RBM20: variants seen among roughly 807,000 people sequenced by gnomAD.
RBM20 encodes RNA binding motif protein 20.
RBM20 carries 51 observed loss-of-function variants against 110.1 expected under a neutral mutation model. The ratio of observed to expected loss-of-function variants is 0.46; its 90% confidence interval spans 0.37 to 0.59. The LOEUF is 0.59. RBM20 is among the 20% of genes least tolerant of loss of function. The pLI, the probability that RBM20 is intolerant of heterozygous loss-of-function variation, is 0.00. For synonymous variants in RBM20, 589 were observed against 618.2 expected (o/e 0.95, Z 0.70); for missense variants, 1,512 against 1,574.9 (o/e 0.96, Z 0.68).
intron 13 of RBM20, among the ~76,000 whole-genome samples, chr10:110,833,579 A>G (rs950862858): frequency 5.9e-5 from 9 of 152,124 alleles, no homozygotes; most frequent in Non-Finnish European, 1.2e-4. Context: ...AGGGGGCCAC[A>G]TAGTTCAAGG....
At chr10:110,813,464 AAGG>A (rs1844801471) in intron 9 of RBM20, among the ~76,000 whole-genome samples, 1 of 152,220 alleles carries the variant, frequency 6.6e-6, no homozygotes. Flanking sequence ...AGAAGTGGTG[AAGG>A]AGAAGCCGTC....
chr10:110,665,304 C>A (rs952319063), intron 1 of RBM20, among the ~76,000 whole-genome samples: 3 of 152,162 alleles, frequency 2.0e-5, no homozygotes, highest in Non-Finnish European at 4.4e-5. Flanking sequence ...TTAGGTGCAG[C>A]TGATGGCGTT....
chr10:110,736,645 T>C (rs1241377980), intron 1 of RBM20, among the ~76,000 whole-genome samples: 1 of 120,086 alleles, frequency 8.3e-6, no homozygotes, highest in Non-Finnish European at 1.7e-5. Context: ...CAGTGGAGGC[T>C]GTGCTCTGGC....
Position 110,728,614 on chromosome 10 carries a change from T to C in RBM20, c.192-52187T>C, listed in dbSNP as rs78079225. ...GGAGGGTGTCATTCATTGTGCCTAC[T>C]TGAAGTTATTATCAGGGTGTGTTTT... is the stretch of plus-strand genomic sequence containing the variant. On this transcript the variant is annotated intron_variant, in intron 1 of 13. Transcript: ENST00000369519. 2.6e-5 allele frequency among the ~76,000 whole-genome samples: 4 copies of C among 152,302 alleles called. No homozygotes were observed. In the East Asian group the frequency reaches 5.8e-4, roughly 22 times the overall value.
rs374786428 is a variant in RBM20 at position 110,801,946 on chromosome 10, C to T, written c.1800+2028C>T. On this transcript the variant is annotated intron_variant, in intron 7 of 13. Transcript: ENST00000369519. ...TTCCATCTGGATCTTCTCTGATGGG[C>T]TGTTTCTTTTCAGGTCATCTGCCCA... 6.6e-5 allele frequency among the ~76,000 whole-genome samples: 10 copies of T among 152,230 alleles called. No individual in the cohort carries two copies. The East Asian group carries it at 1.2e-3, about 18-fold the overall frequency.
intron 5 of RBM20, among the ~76,000 whole-genome samples, chr10:110,797,105 A>T (rs1201147474): frequency 6.6e-6 from 1 of 152,100 alleles, no homozygotes; most frequent in African/African-American, 2.4e-5. Context: ...ATTTCCTCAT[A>T]TCCTCCACAG....
intron 1 of RBM20, among the ~76,000 whole-genome samples, chr10:110,672,561 C>G (rs1342712574): frequency 6.6e-6 from 1 of 152,254 alleles, no homozygotes. Context: ...CCCGGGTGTT[C>G]GCGGAAGCTG....
chr10:110,792,568 A>G (rs181052539), intron 5 of RBM20, among the ~76,000 whole-genome samples: 142 of 152,336 alleles, frequency 9.3e-4, no homozygotes, highest in African/African-American at 3.2e-3. Context: ...TTAGTCACAG[A>G]GGGAGCAGAC....
chr10:110,726,101 G>A (rs899759192), intron 1 of RBM20, among the ~76,000 whole-genome samples: 75 of 152,228 alleles, frequency 4.9e-4, no homozygotes, highest in African/African-American at 1.8e-3. Context: ...CAGCCCCTCT[G>A]CCGGCCTCTC....
intron 12 of RBM20, among the ~76,000 whole-genome samples, chr10:110,823,991 T>A (rs1047558112): frequency 3.9e-5 from 6 of 151,910 alleles, no homozygotes; most frequent in Admixed American, 3.9e-4. Context: ...CTTCCCAAAG[T>A]GCTGGGACTA....
intron 1 of RBM20, among the ~76,000 whole-genome samples, chr10:110,693,403 G>T (rs1288044900): frequency 6.6e-6 from 1 of 152,104 alleles, no homozygotes; most frequent in Non-Finnish European, 1.5e-5. Flanking sequence ...GATTTTCTTT[G>T]TTAGGAGGTT....
chr10:110,715,375 ATC>A (rs1234732751), intron 1 of RBM20, among the ~76,000 whole-genome samples: 10 of 152,258 alleles, frequency 6.6e-5, no homozygotes, highest in African/African-American at 2.4e-4. Context: ...ATCTTGTGTC[ATC>A]ACACTGTCTG....
intron 8 of RBM20, among the ~76,000 whole-genome samples, chr10:110,811,985 G>T (rs1400819717): frequency 6.6e-6 from 1 of 152,192 alleles, no homozygotes; most frequent in Non-Finnish European, 1.5e-5. Context: ...GAGAAGGCAA[G>T]CTGGAACCGA....
At chr10:110,795,543 T>C (rs746219047) in intron 5 of RBM20, among the ~76,000 whole-genome samples, 1 of 152,226 alleles carries the variant, frequency 6.6e-6, no homozygotes, top group African/African-American at 2.4e-5. Flanking sequence ...GGGCTTTTCA[T>C]GGTAGAATTA....
At chr10:110,747,895 C>T (rs1843803245) in intron 1 of RBM20, among the ~76,000 whole-genome samples, 1 of 103,618 alleles carries the variant, frequency 9.7e-6, no homozygotes, top group African/African-American at 3.9e-5. Flanking sequence ...AAAGAGAAAA[C>T]TTTTTAGAAA....
At chr10:110,764,682 CT>C (rs1419907777) in intron 1 of RBM20, among the ~76,000 whole-genome samples, 2 of 152,138 alleles carry the variant, frequency 1.3e-5, no homozygotes, top group Non-Finnish European at 2.9e-5. Flanking sequence ...TGAGTGAAGG[CT>C]TGTCATGATT....
At chr10:110,806,137 G>A (rs746721507) in intron 7 of RBM20, among the ~76,000 whole-genome samples, 18 of 151,934 alleles carry the variant, frequency 1.2e-4, no homozygotes, top group Non-Finnish European at 2.1e-4. Context: ...GTGTGGTGGC[G>A]GGCACCTGTA....
chr10:110,826,317 T>A lies in RBM20; in HGVS notation c.3451+2703T>A, dbSNP rs1181488957. Among the ~76,000 whole-genome samples, 4 of 152,282 alleles carry A rather than the reference T, an allele frequency of 2.6e-5. No individual in the cohort carries two copies. The East Asian group carries it at 5.8e-4, about 22-fold the overall frequency. ...AGTTTGATCAGTTTTGACCTATAAA[T>A]ATACCTGTGAGACCATCACCACAAT... On this transcript the variant is annotated intron_variant, in intron 12 of 13. Transcript: ENST00000369519.
chr10:110,829,441 G>GGCATGGCGTGTAA (rs1372832223), intron 12 of RBM20, among the ~76,000 whole-genome samples: 2 of 152,252 alleles, frequency 1.3e-5, no homozygotes, highest in Non-Finnish European at 2.9e-5. Flanking sequence ...CACTGCTGAG[G>GGCATGGCGTGTAA]GCATGGCGTG....
Sources: gnomAD v4.1 joint callset for allele counts (sites outside exome capture counted in the v4.1 genomes callset) on GRCh38, gnomAD v4.1.1 for gene constraint, MANE v1.5 for transcripts, NCBI Gene and HGNC (gene_info 2026-07-23, HGNC 2026-07-21) for gene names.